The following PRPSAP2 variants were observed in gnomAD, a reference collection of about 807,000 sequenced individuals.
PRPSAP2 encodes phosphoribosyl pyrophosphate synthase-associated protein 2.
In PRPSAP2, 24 loss-of-function variants were observed where a neutral mutation model predicts 40.6. The observed-to-expected ratio is 0.59, with a 90% CI of 0.43 to 0.83. The LOEUF (loss-of-function observed/expected upper bound fraction) is 0.83, where lower values mean the gene tolerates loss of function less well. PRPSAP2 is among the 40% of genes least tolerant of loss of function. PRPSAP2 has a pLI of 0.00. For missense variants in PRPSAP2, 292 were observed against 465.6 expected (o/e 0.63, Z 3.43); for synonymous variants, 149 against 164.7 (o/e 0.90, Z 0.73).
chr17:18,913,864 A>C (rs529177766), intron 9 of PRPSAP2, among the ~76,000 whole-genome samples: 22 of 151,342 alleles, frequency 1.5e-4, no homozygotes, highest in Non-Finnish European at 2.8e-4. Flanking sequence ...TTCTATCCAT[A>C]CTAATCTCCT....
intron 8 of PRPSAP2, among the ~76,000 whole-genome samples, chr17:18,890,977 G>A (rs564755694): frequency 5.3e-4 from 81 of 152,242 alleles, no homozygotes; most frequent in African/African-American, 1.8e-3. Flanking sequence ...ATTATATGTC[G>A]GTTGAGAGGA....
At chr17:18,927,511 C>T (rs918809184) in intron 10 of PRPSAP2, among the ~76,000 whole-genome samples, 9 of 151,986 alleles carry the variant, frequency 5.9e-5, no homozygotes, top group Non-Finnish European at 8.8e-5. Context: ...GGGCAGTATC[C>T]CATGGTATAG....
intron 5 of PRPSAP2, among the ~76,000 whole-genome samples, chr17:18,874,702 A>G (rs1336336249): frequency 1.3e-5 from 2 of 152,182 alleles, no homozygotes; most frequent in Non-Finnish European, 2.9e-5. Context: ...ACGGAGCGCC[A>G]ACTGCCCCTG....
intron 1 of PRPSAP2, chr17:18,861,474 A>AG (rs982184839): frequency 6.6e-6 from 1 of 151,780 alleles, no homozygotes; most frequent in African/African-American, 2.4e-5. Flanking sequence ...TAAAAAAAAA[A>AG]AAAAGAAAAA....
chr17:18,887,622 G>A (rs1375103910), intron 7 of PRPSAP2, among the ~76,000 whole-genome samples: 1 of 152,004 alleles, frequency 6.6e-6, no homozygotes, highest in Non-Finnish European at 1.5e-5. Context: ...TGAAAATTTT[G>A]GATCTAGTCT....
In PRPSAP2 at chr17:18,880,660, C is replaced by T. The variant is rs183008440; in HGVS notation, c.413-1908C>T. ...CTGGGCTCAAGTGATACTCCTGCCTCGGCCTCCCAAAGTGCTGGGTTTACA... is the reference window on the plus strand; with the variant it reads ...CTGGGCTCAAGTGATACTCCTGCCTTGGCCTCCCAAAGTGCTGGGTTTACA... On this transcript the variant is annotated intron_variant, in intron 6 of 11. Coordinates refer to ENST00000268835, the MANE Select transcript of PRPSAP2 (RefSeq NM_002767.4). 1.2e-3 allele frequency among the ~76,000 whole-genome samples: 180 copies of T among 152,228 alleles called. 2 individuals are homozygous for T. Among genetic ancestry groups the T allele is most frequent in the Admixed American group, 0.011 (169 of 15,278 alleles).
Position 18,929,109 on chromosome 17 carries a change from C to A in PRPSAP2, c.951+152C>A, listed in dbSNP as rs890865844. On this transcript the variant is annotated intron_variant, in intron 11 of 11. Transcript: ENST00000268835. ...CAGTGGTTCACGCCTGTAATCCCAG[C>A]ACTTTGGGAGGCCGAGGCAGGTGGA... 5.1e-5 allele frequency: 63 copies of A among 1,225,310 alleles called. 1 individual carries two copies. In the South Asian group the frequency reaches 6.4e-4, roughly 13 times the overall value. The allele number at this position is 1,225,310 out of a possible 1,614,324, so 75.9% of individuals were successfully genotyped here. A position where few individuals can be genotyped will look rare whatever the true frequency, so the allele number is the denominator to read the frequency against.
intron 8 of PRPSAP2, among the ~76,000 whole-genome samples, chr17:18,909,157 G>T (rs1402388188): frequency 1.3e-5 from 2 of 152,000 alleles, no homozygotes; most frequent in Admixed American, 1.3e-4. Flanking sequence ...CCAAGTGTTG[G>T]TGAAGATGTG....
intron 6 of PRPSAP2, among the ~76,000 whole-genome samples, chr17:18,879,274 G>A (rs2038538779): frequency 6.7e-6 from 1 of 149,886 alleles, no homozygotes. Context: ...ACTTACTGTA[G>A]AATAAACCTT....
At chr17:18,908,616 C>T in intron 8 of PRPSAP2, 1 of 723,198 alleles carries the variant, frequency 1.4e-6, no homozygotes, top group Non-Finnish European at 2.6e-6. Flanking sequence ...TGGGTAGTGA[C>T]CATGCCTGGG....
At chr17:18,915,725 C>T (rs1240539211) in intron 9 of PRPSAP2, among the ~76,000 whole-genome samples, 1 of 152,112 alleles carries the variant, frequency 6.6e-6, no homozygotes, top group Non-Finnish European at 1.5e-5. Context: ...TCACTCACCC[C>T]CATAGGAAGG....
Position 18,930,583 on chromosome 17 carries a change from A to G in PRPSAP2, c.995A>G (p.Gln332Arg), listed in dbSNP as rs758607498. 6.2e-7 allele frequency: 1 copy of G among 1,613,926 alleles called. No individual in the cohort carries two copies. Among genetic ancestry groups the G allele is most frequent in the Non-Finnish European group, 8.5e-7 (1 of 1,179,858 alleles). Reference protein sequence around the residue: ...NTIPHEVQKLQCPKIKTVDIS... With the variant: ...NTIPHEVQKLRCPKIKTVDIS... The stretch of plus-strand genomic sequence containing the variant: ...ATTCCACATGAAGTCCAGAAGCTCC[A>G]GTGCCCCAAGATTAAAACTGTGGAT... Residue 332 changes from glutamine (Q) to arginine (R), a missense_variant, in exon 12 of 12, where the codon CAG (glutamine) becomes CGG (arginine). By Grantham distance (43) the Gln-to-Arg change is conservative. This residue lies in a region of PRPSAP2 where 241 missense variants were observed against 425.7 expected (regional missense o/e 0.57). Transcript: ENST00000268835.
At chr17:18,873,079 C>G (rs950972074) in intron 5 of PRPSAP2, among the ~76,000 whole-genome samples, 3 of 151,758 alleles carry the variant, frequency 2.0e-5, no homozygotes, top group African/African-American at 7.3e-5. Flanking sequence ...TGACCTCACG[C>G]AATCTGCCCG....
At chr17:18,866,075 CTT>C (rs1296524566) in intron 3 of PRPSAP2, 123 bp downstream of exon 3, 2 of 658,252 alleles carry the variant, frequency 3.0e-6, no homozygotes, top group African/African-American at 3.9e-5. Context: ...ATAATTATAT[CTT>C]TTTTTCATCA....
At chr17:18,928,556 C>T (rs977481111) in intron 10 of PRPSAP2, 17 of 468,688 alleles carry the variant, frequency 3.6e-5, no homozygotes, top group Non-Finnish European at 6.4e-5. Context: ...CAGTGCTACC[C>T]CTGGGAGCCT....
intron 10 of PRPSAP2, 37 bp from the exon 11 acceptor site, chr17:18,928,774 T>C (rs1467403369): frequency 2.5e-6 from 4 of 1,610,688 alleles, no homozygotes; most frequent in Admixed American, 1.7e-5. Flanking sequence ...ATTGTAGAAG[T>C]GCTCATATAC....
At chr17:18,892,113 C>T (rs554586682) in intron 8 of PRPSAP2, among the ~76,000 whole-genome samples, 7 of 152,200 alleles carry the variant, frequency 4.6e-5, no homozygotes, top group Non-Finnish European at 1.0e-4. Flanking sequence ...CCTCGGCCTC[C>T]CAAAGTGCTG....
chr17:18,909,750 C>G (rs983362424), intron 8 of PRPSAP2, among the ~76,000 whole-genome samples: 5 of 151,654 alleles, frequency 3.3e-5, no homozygotes, highest in African/African-American at 1.2e-4. Flanking sequence ...ACAAAAAATA[C>G]AAAAATTAGC....
chr17:18,889,901 T>C lies in PRPSAP2; in HGVS notation c.584+24T>C, dbSNP rs745752283. 7 of 1,601,350 alleles carry C rather than the reference T, an allele frequency of 4.4e-6. No homozygotes were observed. The South Asian group carries it at 5.6e-5, about 13-fold the overall frequency. On this transcript the variant is annotated intron_variant, in intron 8 of 11. Transcript: ENST00000268835. ...AGGTAGGTGGGAATCTCACAACCTCTTTCTGGATCTACTTCTAAGGATTGT... is the reference window on the plus strand; with the variant it reads ...AGGTAGGTGGGAATCTCACAACCTCCTTCTGGATCTACTTCTAAGGATTGT...
Sources: gnomAD v4.1 joint callset for allele counts (sites outside exome capture counted in the v4.1 genomes callset) on GRCh38, gnomAD v4.1.1 for gene constraint, gnomAD v4.1.1 regional missense constraint, MANE v1.5 for transcripts, NCBI Gene and HGNC (gene_info 2026-07-23, HGNC 2026-07-21) for gene names.